HNRNPUL2: variants seen among roughly 807,000 people sequenced by gnomAD.
HNRNPUL2 encodes heterogeneous nuclear ribonucleoprotein U like 2, also known as heterogeneous nuclear ribonucleoprotein U-like protein 2.
A neutral mutation model predicts 102.2 loss-of-function variants in HNRNPUL2; 27 were observed. The observed-to-expected ratio is 0.26, with a 90% CI of 0.19 to 0.36. The LOEUF (loss-of-function observed/expected upper bound fraction) is 0.36, where lower values mean the gene tolerates loss of function less well. Ranked by LOEUF, HNRNPUL2 falls within the 10% of genes least tolerant of loss-of-function variation. HNRNPUL2 has a pLI of 1.00. For synonymous variants in HNRNPUL2, 458 were observed against 387.2 expected, an observed-to-expected ratio of 1.18 and a Z score of -2.15; for missense variants, 936 against 981.1, an observed-to-expected ratio of 0.95 and a Z score of 0.61.
intron 10 of HNRNPUL2, among the ~76,000 whole-genome samples, chr11:62,719,474 G>C (rs899167642): frequency 1.3e-5 from 2 of 152,084 alleles, no homozygotes; most frequent in Non-Finnish European, 2.9e-5. Context: ...AACAAACCAA[G>C]AAAACAATGA....
In HNRNPUL2 at chr11:62,727,066, G is replaced by C; in HGVS notation, c.91C>G (p.Gln31Glu). The C allele has an allele frequency of 7.0e-7, 1 of 1,431,354 alleles. No homozygotes were observed. The highest frequency in any genetic ancestry group is 3.1e-5 in the East Asian group (1 of 32,154). The allele number at this position is 1,431,354 out of a possible 1,614,324, so 88.7% of individuals were successfully genotyped here. ...GCGTCCAGCGCCTCCTGCAGCCGCTGCGCCAGATCCACCTTGAGGCCGCGC... is the reference window on the plus strand; with the variant it reads ...GCGTCCAGCGCCTCCTGCAGCCGCTCCGCCAGATCCACCTTGAGGCCGCGC... Reference protein sequence around the residue: ...DSRGLKVDLAQRLQEALDAEM... With the variant: ...DSRGLKVDLAERLQEALDAEM... The change falls in exon 1 of 14, where the codon CAG (glutamine) becomes GAG (glutamate). Residue 31 changes from glutamine (Q) to glutamate (E), a missense_variant. Physicochemically the swap from Gln to Glu is conservative, Grantham distance 29. Around this residue, in one of 2 missense-constraint regions of HNRNPUL2, gnomAD observed 327 missense variants for 268.1 expected, o/e 1.22. Coordinates refer to ENST00000301785, the MANE Select transcript of HNRNPUL2 (RefSeq NM_001079559.3).
rs1356862372 is a variant in HNRNPUL2 at position 62,714,014 on chromosome 11, A to G, written c.*1285T>C. 6.6e-6 allele frequency: 1 copy of G among 152,228 alleles called. No homozygotes were observed. Among genetic ancestry groups the G allele is most frequent in the African/African-American group, 2.4e-5 (1 of 41,436 alleles). The allele number at this position is 152,228 out of a possible 1,614,324, so 9.4% of individuals were successfully genotyped here. ...GGCCTCTCTGGGGACACACAGGGAA[A>G]GCGCCCCAAAAGGAATTTTGTTTCT... On this transcript the variant is annotated 3_prime_UTR_variant, in exon 14 of 14. Coordinates refer to ENST00000301785, the MANE Select transcript of HNRNPUL2 (RefSeq NM_001079559.3).
chr11:62,723,504 A>G (rs933930428), intron 4 of HNRNPUL2, 83 bp downstream of exon 4: 16 of 1,373,252 alleles, frequency 1.2e-5, no homozygotes, highest in African/African-American at 2.9e-5. Flanking sequence ...AAAAAAAGAG[A>G]TAATAATCTT....
chr11:62,724,350 A>T lies in HNRNPUL2; in HGVS notation c.615T>A (p.Asp205Glu), dbSNP rs367701849. The change falls in exon 2 of 14, where the codon GAT becomes GAA. Residue 205 changes from aspartate (D) to glutamate (E), a missense_variant. Physicochemically the swap from Asp to Glu is conservative, Grantham distance 45. Around this residue, in one of 2 missense-constraint regions of HNRNPUL2, gnomAD observed 609 missense variants for 713.0 expected, o/e 0.85. Transcript: ENST00000301785. ...AAGCTCGGCCATGTTCATCCTTCTC[A>T]TCCCGCTGTCTCTTTACCCCCCGCC... ...GERRGVKRQR[D>E]EKDEHGRAYY... 69 of 1,613,818 alleles carry T rather than the reference A, an allele frequency of 4.3e-5. 1 individual carries two copies. In the East Asian group the frequency reaches 8.5e-4, roughly 20 times the overall value.
intron 2 of HNRNPUL2, 47 bp from the exon 3 acceptor site, chr11:62,724,037 T>C: frequency 6.9e-7 from 1 of 1,453,748 alleles, no homozygotes; most frequent in Non-Finnish European, 9.7e-7. Flanking sequence ...CAAAGCCCTC[T>C]TCTTTGAGGG....
intron 9 of HNRNPUL2, among the ~76,000 whole-genome samples, chr11:62,721,026 A>T (rs1415765944): frequency 6.6e-6 from 1 of 152,212 alleles, no homozygotes; most frequent in African/African-American, 2.4e-5. Context: ...TAAGGGACTT[A>T]TCCAAGATCA....
chr11:62,726,249 C>T (rs1044257250), intron 1 of HNRNPUL2, among the ~76,000 whole-genome samples: 2 of 152,182 alleles, frequency 1.3e-5, no homozygotes, highest in East Asian at 1.9e-4. Flanking sequence ...AGACCTGACC[C>T]TCTAACTGTG....
In HNRNPUL2 at chr11:62,722,887, G is replaced by A. The variant is rs570021610; in HGVS notation, c.908C>T (p.Pro303Leu). The change falls in exon 5 of 14, where the codon CCA becomes CTA. Residue 303 changes from proline (P) to leucine (L), a missense_variant. Coordinates refer to ENST00000301785, the MANE Select transcript of HNRNPUL2 (RefSeq NM_001079559.3). ...CFEAKVTQNLPMKEGCTEVSL... is the reference protein window; with the variant it reads ...CFEAKVTQNLLMKEGCTEVSL... ...GACCTCTGTGCAGCCTTCTTTCATT[G>A]GGAGATTCTGGGTTACCTGGCCAAG... 282 of 1,614,068 alleles carry A rather than the reference G, an allele frequency of 1.7e-4. 5 individuals are homozygous for A. In the South Asian group the frequency reaches 2.9e-3, roughly 17 times the overall value.
chr11:62,726,682 C>A lies in HNRNPUL2; in HGVS notation c.475G>T (p.Glu159Ter), dbSNP rs1336719590. 1 of 1,600,164 alleles carries A rather than the reference C, an allele frequency of 6.2e-7. No homozygotes were observed. The highest frequency in any genetic ancestry group is 8.5e-7 in the Non-Finnish European group (1 of 1,179,496). ...LGKREEDEPE[E>*]RSGDETPGSE... ...CCCGGCGTCTCGTCCCCGCTCCGCTCCTCGGGTTCGTCTTCCTCCCTCTTG... is the reference window on the plus strand; with the variant it reads ...CCCGGCGTCTCGTCCCCGCTCCGCTACTCGGGTTCGTCTTCCTCCCTCTTG... Residue 159 changes from glutamate to a stop codon, truncating the protein, a stop_gained, in exon 1 of 14, where the codon GAG becomes TAG. Coordinates refer to ENST00000301785, the MANE Select transcript of HNRNPUL2 (RefSeq NM_001079559.3). LOFTEE classifies it high-confidence loss of function.
rs1164336082 is a variant in HNRNPUL2, at chr11:62,720,123, C to A, written c.1680G>T (p.Val560=). ...LLFKTFSRKV[V]VVVPNEEDWK... Reference sequence around the variant, plus strand: ...AATCTTCCTCATTAGGGACAACCACCACCACTTTCCGAGAGAAGGTCTTGA... The same window carrying A: ...AATCTTCCTCATTAGGGACAACCACAACCACTTTCCGAGAGAAGGTCTTGA... Residue 560 remains valine (V), a synonymous_variant, in exon 10 of 14, where the codon GTG becomes GTT. Coordinates refer to ENST00000301785, the MANE Select transcript of HNRNPUL2 (RefSeq NM_001079559.3). 6.2e-7 allele frequency: 1 copy of A among 1,614,016 alleles called. No homozygotes were observed.
intron 10 of HNRNPUL2, among the ~76,000 whole-genome samples, chr11:62,719,494 A>G (rs2083684286): frequency 6.6e-6 from 1 of 152,170 alleles, no homozygotes; most frequent in East Asian, 1.9e-4. Flanking sequence ...AGTCAAAATT[A>G]TTGCTTCTCT....
At chr11:62,722,486 A>G (rs1045222613) in intron 6 of HNRNPUL2, 106 bp from the exon 7 acceptor site, 2 of 1,461,430 alleles carry the variant, frequency 1.4e-6, no homozygotes, top group Non-Finnish European at 1.9e-6. Flanking sequence ...AAAGTAACTA[A>G]GCGAGCCACA....
chr11:62,724,019 A>T, intron 2 of HNRNPUL2, 29 bp from the exon 3 acceptor site: 1 of 1,562,452 alleles, frequency 6.4e-7, no homozygotes. Context: ...AAAGAAACAC[A>T]ATGTAAACAA....
In HNRNPUL2 at chr11:62,721,808, AC is replaced by A; in HGVS notation, c.1482+11del. The A allele has an allele frequency of 6.2e-7, 1 of 1,614,008 alleles. No homozygotes were observed. The highest frequency in any genetic ancestry group is 8.5e-7 in the Non-Finnish European group (1 of 1,179,864). ...AAATACTGTATCCGACAAATCCCCA[AC>A]AGCAACTTACCCTCATTTGATTGAG... On this transcript the variant is annotated intron_variant, in intron 8 of 13. Coordinates refer to ENST00000301785, the MANE Select transcript of HNRNPUL2 (RefSeq NM_001079559.3).
intron 10 of HNRNPUL2, among the ~76,000 whole-genome samples, 166 bp downstream of exon 10, chr11:62,719,857 C>T (rs2134774224): frequency 6.6e-6 from 1 of 152,272 alleles, no homozygotes; most frequent in African/African-American, 2.4e-5. Flanking sequence ...TTGCCTTTTG[C>T]CCTCCTGACA....
intron 10 of HNRNPUL2, 49 bp downstream of exon 10, chr11:62,719,974 A>G: frequency 6.6e-7 from 1 of 1,525,466 alleles, no homozygotes; most frequent in Non-Finnish European, 9.1e-7. Flanking sequence ...CAAATTATGA[A>G]GTCTATGGTA....
chr11:62,716,001 G>A, intron 11 of HNRNPUL2, 64 bp from the exon 12 acceptor site: 2 of 1,345,322 alleles, frequency 1.5e-6, no homozygotes, highest in Non-Finnish European at 2.0e-6. Context: ...ACATCTGGGT[G>A]GAAATCAAAA....
intron 1 of HNRNPUL2, among the ~76,000 whole-genome samples, chr11:62,725,159 G>A (rs547861505): frequency 1.3e-5 from 2 of 152,248 alleles, no homozygotes; most frequent in South Asian, 2.1e-4. Context: ...ACACTAGGAA[G>A]GTTTTTAATA....
In HNRNPUL2 at chr11:62,717,207, A is replaced by G; in HGVS notation, c.1781-18T>C. 1 of 1,602,812 alleles carries G rather than the reference A, an allele frequency of 6.2e-7. No individual in the cohort carries two copies. The highest frequency in any genetic ancestry group is 8.5e-7 in the Non-Finnish European group (1 of 1,171,706). On this transcript the variant is annotated intron_variant, in intron 10 of 13. Coordinates refer to ENST00000301785, the MANE Select transcript of HNRNPUL2 (RefSeq NM_001079559.3). Reference sequence around the variant, plus strand: ...GAAGTTGGCTATAAGAGTAAGAGAGAAGCTTGTGGGCCTGAAAAGTGCATA... The same window carrying G: ...GAAGTTGGCTATAAGAGTAAGAGAGGAGCTTGTGGGCCTGAAAAGTGCATA...
Sources: gnomAD v4.1 joint callset for allele counts (sites outside exome capture counted in the v4.1 genomes callset) on GRCh38, gnomAD v4.1.1 for gene constraint, gnomAD v4.1.1 regional missense constraint, MANE v1.5 for transcripts, NCBI Gene and HGNC (gene_info 2026-07-23, HGNC 2026-07-21) for gene names.